The following LRBA variants were observed in gnomAD, a reference collection of about 807,000 sequenced individuals.
LRBA encodes the protein lipopolysaccharide-responsive and beige-like anchor protein.
A neutral mutation model predicts 330.0 loss-of-function variants in LRBA; 176 were observed. That is an observed-to-expected ratio of 0.53 (90% CI 0.47 to 0.60). LRBA has a LOEUF of 0.60. Ranked by LOEUF, LRBA falls within the 20% of genes least tolerant of loss-of-function variation. The probability of loss-of-function intolerance (pLI) is 0.00; values close to 1 mark genes in which losing one functional copy is unlikely to be tolerated. For synonymous variants in LRBA, 1,230 were observed against 1,193.0 expected, an observed-to-expected ratio of 1.03 and a Z score of -0.64; for missense variants, 3,259 against 3,444.8, an observed-to-expected ratio of 0.95 and a Z score of 1.35.
chr4:150,440,984 T>C lies in LRBA; in HGVS notation c.6781-4120A>G, dbSNP rs571060761. Among the ~76,000 whole-genome samples, 151 of 152,184 alleles carry C rather than the reference T, an allele frequency of 9.9e-4. 1 individual carries two copies. Among genetic ancestry groups the C allele is most frequent in the African/African-American group, 2.8e-3 (117 of 41,536 alleles). Reference sequence around the variant, plus strand: ...AAAACAGGATATGCAAAATAAAACTTGTAAAATTGGTTTTGTAAGAAGACT... The same window carrying C: ...AAAACAGGATATGCAAAATAAAACTCGTAAAATTGGTTTTGTAAGAAGACT... On this transcript the variant is annotated intron_variant, in intron 44 of 56. Coordinates refer to ENST00000651943, the MANE Select transcript of LRBA (RefSeq NM_001364905.1).
At chr4:150,582,253 T>C (rs1314073624) in intron 40 of LRBA, 2 of 151,132 alleles carry the variant, frequency 1.3e-5, no homozygotes, top group Non-Finnish European at 3.0e-5. Context: ...CTTCCAGCGG[T>C]TTGCACCTAA....
chr4:150,760,982 A>G (rs539160154), intron 35 of LRBA, among the ~76,000 whole-genome samples: 9 of 152,258 alleles, frequency 5.9e-5, no homozygotes, highest in African/African-American at 2.2e-4. Context: ...AATAGTTACC[A>G]AAGGACTGAT....
chr4:150,341,930 C>A (rs2127015445), intron 48 of LRBA, among the ~76,000 whole-genome samples: 1 of 151,054 alleles, frequency 6.6e-6, no homozygotes, highest in East Asian at 1.9e-4. Context: ...AGAAACCATG[C>A]CTATAGATAT....
chr4:150,896,032 G>T (rs1730043480), intron 16 of LRBA, among the ~76,000 whole-genome samples: 1 of 152,132 alleles, frequency 6.6e-6, no homozygotes, highest in African/African-American at 2.4e-5. Context: ...AAAGTCAGTA[G>T]GAAGATTGTG....
chr4:150,588,126 G>A lies in LRBA; in HGVS notation c.6252C>T (p.Gly2084=). Reference sequence around the variant, plus strand: ...GTTCGGAGGAGGTGACAGAAAGAGTGCCCTTTACTACAACAGAGGGGGCCA... The same window carrying A: ...GTTCGGAGGAGGTGACAGAAAGAGTACCCTTTACTACAACAGAGGGGGCCA... The part of the protein sequence containing the change: ...QLVAPSVVVK[G]TLSVTSSELY... Residue 2084 remains glycine, a synonymous_variant, in exon 40 of 57, where the codon GGC becomes GGT. Transcript: ENST00000651943. 1 of 1,612,390 alleles carries A rather than the reference G, an allele frequency of 6.2e-7. No homozygotes were observed. Among genetic ancestry groups the A allele is most frequent in the Non-Finnish European group, 8.5e-7 (1 of 1,179,208 alleles).
At chr4:150,929,404 T>C (rs1734221689) in intron 2 of LRBA, among the ~76,000 whole-genome samples, 1 of 152,238 alleles carries the variant, frequency 6.6e-6, no homozygotes, top group African/African-American at 2.4e-5. Flanking sequence ...ATCAAATCTG[T>C]GAACTACACT....
intron 2 of LRBA, among the ~76,000 whole-genome samples, chr4:150,960,368 C>G (rs562442849): frequency 2.0e-5 from 3 of 148,798 alleles, no homozygotes; most frequent in Non-Finnish European, 4.4e-5. Flanking sequence ...ACATGTTAAA[C>G]TACACCATGA....
intron 2 of LRBA, among the ~76,000 whole-genome samples, chr4:150,986,911 T>C (rs1329647186): frequency 6.6e-6 from 1 of 152,142 alleles, no homozygotes; most frequent in East Asian, 1.9e-4. Context: ...CTGTGGAAAC[T>C]TCCACCTTCT....
intron 37 of LRBA, among the ~76,000 whole-genome samples, chr4:150,615,632 G>T (rs2126600454): frequency 6.6e-6 from 1 of 151,980 alleles, no homozygotes; most frequent in East Asian, 1.9e-4. Context: ...GAGAGGAATA[G>T]GTTTTAATAA....
At chr4:150,908,915 T>C in intron 9 of LRBA, 58 bp from the exon 10 acceptor site, 1 of 1,173,478 alleles carries the variant, frequency 8.5e-7, no homozygotes, top group Non-Finnish European at 1.2e-6. Context: ...TAAGTACAAA[T>C]CAACACAGGT....
chr4:150,898,362 T>C (rs752459473), intron 14 of LRBA, among the ~76,000 whole-genome samples: 3 of 152,062 alleles, frequency 2.0e-5, no homozygotes, highest in Non-Finnish European at 4.4e-5. Flanking sequence ...GACATCTCCT[T>C]CTCTGCTTAG....
At chr4:150,655,223 G>A (rs546751296) in intron 37 of LRBA, among the ~76,000 whole-genome samples, 1 of 152,074 alleles carries the variant, frequency 6.6e-6, no homozygotes, top group South Asian at 2.1e-4. Context: ...AATTACATTT[G>A]CCCCTCCCCA....
intron 40 of LRBA, among the ~76,000 whole-genome samples, chr4:150,540,556 C>T (rs1161324064): frequency 6.6e-6 from 1 of 152,092 alleles, no homozygotes; most frequent in Admixed American, 6.5e-5. Context: ...TACAAAATAG[C>T]CTGGCTTAAT....
Position 150,577,420 on chromosome 4 carries a change from T to TTAA in LRBA, c.6330+10627_6330+10628insTTA, listed in dbSNP as rs1554058387. Among the ~76,000 whole-genome samples the TTAA allele has an allele frequency of 9.4e-5, 14 of 148,952 alleles. No individual in the cohort carries two copies. The East Asian group carries it at 1.4e-3, about 15-fold the overall frequency. ...AAATAAAAATCAATGTTCATTTTTT[T>TTAA]AAAAAAAAAAAGCATTTTCATAAGT... On this transcript the variant is annotated intron_variant, in intron 40 of 56. Coordinates refer to ENST00000651943, the MANE Select transcript of LRBA (RefSeq NM_001364905.1).
chr4:151,004,646 A>T (rs961303972), intron 2 of LRBA, among the ~76,000 whole-genome samples: 3 of 152,266 alleles, frequency 2.0e-5, no homozygotes, highest in Non-Finnish European at 4.4e-5. Context: ...GACAAAAAGC[A>T]AAATATATTA....
intron 35 of LRBA, among the ~76,000 whole-genome samples, chr4:150,742,138 AT>A (rs1186391872): frequency 6.5e-4 from 29 of 44,724 alleles, no homozygotes; most frequent in African/African-American, 1.1e-3. Flanking sequence ...TATCATTATT[AT>A]TATTATTATT....
At position 150,315,560 on chromosome 4, in the gene LRBA, C is replaced by T; in HGVS notation, c.7693+1G>A. 1 of 1,611,592 alleles carries T rather than the reference C, an allele frequency of 6.2e-7. No individual in the cohort carries two copies. Among genetic ancestry groups the T allele is most frequent in the East Asian group, 2.2e-5 (1 of 44,830 alleles). ...CGCAAAGAGAGAAGGAAGTGACAGACCTATGAGAGGATCGATTTCCACTGG... is the reference window on the plus strand; with the variant it reads ...CGCAAAGAGAGAAGGAAGTGACAGATCTATGAGAGGATCGATTTCCACTGG... On this transcript the variant is annotated splice_donor_variant, in intron 51 of 56. Coordinates refer to ENST00000651943, the MANE Select transcript of LRBA (RefSeq NM_001364905.1). LOFTEE classifies it high-confidence loss of function.
At chr4:151,008,989 AT>A (rs1223905996) in intron 2 of LRBA, among the ~76,000 whole-genome samples, 2,275 of 6,284 alleles carry the variant, frequency 0.36, 549 homozygotes, top group Non-Finnish European at 0.48. Context: ...AAAAAAAAAA[AT>A]ATATATATAT....
chr4:150,556,321 A>T (rs1190530438), intron 40 of LRBA, among the ~76,000 whole-genome samples: 1 of 152,196 alleles, frequency 6.6e-6, no homozygotes, highest in Non-Finnish European at 1.5e-5. Context: ...GTTTGAAAAC[A>T]AATCATATTT....
Sources: gnomAD v4.1 joint callset for allele counts (sites outside exome capture counted in the v4.1 genomes callset) on GRCh38, gnomAD v4.1.1 for gene constraint, MANE v1.5 for transcripts, NCBI Gene and HGNC (gene_info 2026-07-23, HGNC 2026-07-21) for gene names.